Variants in DLG5 observed in about 807,000 individuals in gnomAD.
DLG5 encodes disks large homolog 5.
DLG5 carries 48 observed loss-of-function variants against 189.8 expected under a neutral mutation model. The observed-to-expected ratio is 0.25, with a 90% CI of 0.20 to 0.32. DLG5 has a LOEUF of 0.32. DLG5 is among the 10% of genes least tolerant of loss of function. The probability of loss-of-function intolerance (pLI) is 1.00; values close to 1 mark genes in which losing one functional copy is unlikely to be tolerated. For synonymous variants in DLG5, 1,016 were observed against 1,054.1 expected (o/e 0.96, Z 0.70); for missense variants, 2,160 against 2,544.7 (o/e 0.85, Z 3.25).
At chr10:77,853,008 C>T (rs916745220) in intron 5 of DLG5, among the ~76,000 whole-genome samples, 10 of 151,922 alleles carry the variant, frequency 6.6e-5, no homozygotes, top group African/African-American at 9.7e-5. Flanking sequence ...TCAGAGACAG[C>T]GTCTCACTCC....
intron 1 of DLG5, among the ~76,000 whole-genome samples, chr10:77,919,093 G>A (rs1564597344): frequency 6.6e-6 from 1 of 152,070 alleles, no homozygotes; most frequent in African/African-American, 2.4e-5. Flanking sequence ...GCACACACCT[G>A]TAATCCCAGC....
chr10:77,800,399 C>T (rs1841137791), intron 27 of DLG5, among the ~76,000 whole-genome samples: 1 of 152,184 alleles, frequency 6.6e-6, no homozygotes, highest in Non-Finnish European at 1.5e-5. Flanking sequence ...AGGCCTTTCC[C>T]CCTTCAGAGC....
Position 77,874,574 on chromosome 10 carries a change from C to A in DLG5, c.305-5377G>T, listed in dbSNP as rs371243637. On this transcript the variant is annotated intron_variant, in intron 1 of 31. Transcript: ENST00000372391. ...AAGGAAAAACAAAATTATCTTCAGGCTATGTGTATATAAGGTGTATATGAA... is the reference window on the plus strand; with the variant it reads ...AAGGAAAAACAAAATTATCTTCAGGATATGTGTATATAAGGTGTATATGAA... 1.4e-4 allele frequency among the ~76,000 whole-genome samples: 21 copies of A among 152,280 alleles called. 1 individual carries two copies. In the South Asian group the frequency reaches 4.1e-3, roughly 30 times the overall value.
In DLG5 at chr10:77,843,633, A is replaced by T; in HGVS notation, c.938T>A (p.Val313Asp). ...YDTAMDKLEV[V>D]KKDYDALRKR... Reference sequence around the variant, plus strand: ...CCGAAGGGCGTCATAGTCCTTCTTGACCACCTCCAACTTGTCCATGGCCGT... The same window carrying T: ...CCGAAGGGCGTCATAGTCCTTCTTGTCCACCTCCAACTTGTCCATGGCCGT... The change falls in exon 6 of 32, where the codon GTC becomes GAC. Residue 313 changes from valine to aspartate, a missense_variant. By Grantham distance (152) the Val-to-Asp change is radical. This residue lies in a region of DLG5 where 664 missense variants were observed against 838.5 expected (regional missense o/e 0.79). Transcript: ENST00000372391. 6.2e-7 allele frequency: 1 copy of T among 1,611,868 alleles called. No homozygotes were observed.
At chr10:77,865,746 C>T (rs541617131) in intron 2 of DLG5, among the ~76,000 whole-genome samples, 3 of 152,164 alleles carry the variant, frequency 2.0e-5, no homozygotes, top group Non-Finnish European at 4.4e-5. Flanking sequence ...GGGAGGGCCT[C>T]GGGGAAGCTG....
chr10:77,845,388 G>A (rs1843637025), intron 5 of DLG5: 1 of 152,236 alleles, frequency 6.6e-6, no homozygotes, highest in Non-Finnish European at 1.5e-5. Context: ...GCAGCCTAGA[G>A]AACCAGAAGC....
At chr10:77,889,291 GA>G (rs112297100) in intron 1 of DLG5, 1,592 of 134,446 alleles carry the variant, frequency 0.012, 9 homozygotes, top group African/African-American at 0.02. Context: ...AGTCACTAGG[GA>G]AAAAAAAAAA....
intron 7 of DLG5, among the ~76,000 whole-genome samples, chr10:77,838,837 C>G (rs996244294): frequency 4.6e-5 from 7 of 152,184 alleles, no homozygotes; most frequent in Non-Finnish European, 1.0e-4. Context: ...CTGCTCTTGC[C>G]GGTGGAGAGT....
At chr10:77,857,906 G>A (rs1564554764) in intron 2 of DLG5, among the ~76,000 whole-genome samples, 1 of 152,286 alleles carries the variant, frequency 6.6e-6, no homozygotes, top group East Asian at 1.9e-4. Context: ...GACCCACAAC[G>A]CACAAAGGGC....
upstream of DLG5, among the ~76,000 whole-genome samples, chr10:77,930,924 G>A (rs1044349911): frequency 8.7e-5 from 13 of 149,070 alleles, no homozygotes; most frequent in Admixed American, 8.2e-4. Flanking sequence ...AGATTCAAGC[G>A]ATTCTCCTGC....
rs1338032690 is a variant in DLG5, at chr10:77,926,403, C to T, written c.118G>A (p.Glu40Lys). Residue 40 changes from glutamate (E) to lysine (K), a missense_variant, in exon 1 of 32, where the codon GAG becomes AAG. This residue lies in a region of DLG5 where 664 missense variants were observed against 838.5 expected (regional missense o/e 0.79). Transcript: ENST00000372391. This position sits in a 1 kb window ranked among gnomAD's most constrained non-coding sequence, Gnocchi z 5.2. The stretch of plus-strand genomic sequence containing the variant: ...GCCTCCTCGTCCAGCTGCCGCCGCT[C>T]GCCGGGACTGAGCGCTCCCGCGGCC... ...LEAAGALSPGERRQLDEEAGG... is the reference protein window; with the variant it reads ...LEAAGALSPGKRRQLDEEAGG... 6.3e-7 allele frequency: 1 copy of T among 1,587,750 alleles called. No homozygotes were observed. The highest frequency in any genetic ancestry group is 8.6e-7 in the Non-Finnish European group (1 of 1,169,402).
chr10:77,849,923 T>C (rs77885919), intron 5 of DLG5, among the ~76,000 whole-genome samples: 5,032 of 152,318 alleles, frequency 0.033, 235 homozygotes, highest in East Asian at 0.25. Flanking sequence ...AGGCTGATCT[T>C]GGACTCCTGG....
chr10:77,892,638 A>G (rs1845643739), intron 1 of DLG5, among the ~76,000 whole-genome samples: 1 of 152,176 alleles, frequency 6.6e-6, no homozygotes, highest in South Asian at 2.1e-4. Flanking sequence ...GACTGTTTAC[A>G]AGACACCTCG....
chr10:77,907,496 T>C (rs1234036915), intron 1 of DLG5, among the ~76,000 whole-genome samples: 2 of 152,124 alleles, frequency 1.3e-5, no homozygotes, highest in African/African-American at 2.4e-5. Flanking sequence ...GGATAATCAA[T>C]TGAGCCTGTG....
intron 1 of DLG5, among the ~76,000 whole-genome samples, chr10:77,904,630 CA>C (rs1846021557): frequency 6.6e-6 from 1 of 151,818 alleles, no homozygotes; most frequent in African/African-American, 2.4e-5. Flanking sequence ...ATGGGTTTAT[CA>C]GGGGTTTCCG....
intron 27 of DLG5, among the ~76,000 whole-genome samples, chr10:77,797,417 A>T (rs1202329141): frequency 6.6e-6 from 1 of 152,234 alleles, no homozygotes; most frequent in Non-Finnish European, 1.5e-5. Context: ...AGTTCCTGCC[A>T]TTAAAAAGCA....
intron 13 of DLG5, among the ~76,000 whole-genome samples, chr10:77,826,777 G>A (rs558958577): frequency 3.4e-4 from 52 of 152,208 alleles, no homozygotes; most frequent in African/African-American, 1.1e-3. Flanking sequence ...GCGAAACCCC[G>A]TCTCTACTAA....
At chr10:77,916,709 T>C (rs987639835) in intron 1 of DLG5, among the ~76,000 whole-genome samples, 2 of 151,978 alleles carry the variant, frequency 1.3e-5, no homozygotes, top group African/African-American at 4.8e-5. Context: ...TGGTACCTTC[T>C]CAAAAAATTG....
intron 1 of DLG5, among the ~76,000 whole-genome samples, chr10:77,903,760 A>T (rs1272946766): frequency 6.6e-6 from 1 of 152,250 alleles, no homozygotes; most frequent in African/African-American, 2.4e-5. Flanking sequence ...AATATTCCAA[A>T]ATCCAAAAAT....
Sources: gnomAD v4.1 joint callset for allele counts (sites outside exome capture counted in the v4.1 genomes callset) on GRCh38, gnomAD v4.1.1 for gene constraint, gnomAD v4.1.1 regional missense constraint, Gnocchi (gnomAD v3.1) non-coding constraint, MANE v1.5 for transcripts, NCBI Gene and HGNC (gene_info 2026-07-23, HGNC 2026-07-21) for gene names.